The following COX20 variants were observed in gnomAD, a reference collection of about 807,000 sequenced individuals.
COX20 encodes the protein cytochrome c oxidase assembly factor COX20.
COX20 carries 14 observed loss-of-function variants against 14.3 expected under a neutral mutation model. The ratio of observed to expected loss-of-function variants is 0.98; its 90% CI spans 0.65 to 1.53. COX20 has a LOEUF of 1.53. COX20 is among the 40% of genes most tolerant of loss of function. The pLI, the probability that COX20 is intolerant of heterozygous loss-of-function variation, is 0.00. For missense variants in COX20, 149 were observed against 142.1 expected (o/e 1.05, Z -0.25); for synonymous variants, 56 against 51.7 (o/e 1.08, Z -0.36).
intron 1 of COX20, chr1:244,841,005 T>C: frequency 6.6e-6 from 1 of 152,202 alleles, no homozygotes; most frequent in East Asian, 1.9e-4. Flanking sequence ...TTACCGTGAG[T>C]TTTCTAAACT....
chr1:244,840,402 T>G (rs1417773904), intron 1 of COX20: 2 of 152,276 alleles, frequency 1.3e-5, no homozygotes, highest in African/African-American at 4.8e-5. Context: ...TAGTCTAGTT[T>G]AGAGGTAGTC....
At chr1:244,835,533 AGCCCGGCCCC>A (rs1469711245), upstream of COX20, 3 of 403,166 alleles carry the variant, frequency 7.4e-6, no homozygotes, top group East Asian at 1.1e-4. Context: ...AGGACATGAC[AGCCCGGCCCC>A]GTGCGGCCAC....
chr1:244,836,357 C>T, intron 1 of COX20: 3 of 726,622 alleles, frequency 4.1e-6, no homozygotes, highest in Non-Finnish European at 4.8e-6. Flanking sequence ...CCAGTCGTAG[C>T]AGCCCATCCT....
chr1:244,837,092 A>G (rs1171917000), intron 1 of COX20, among the ~76,000 whole-genome samples: 1 of 151,968 alleles, frequency 6.6e-6, no homozygotes, highest in African/African-American at 2.4e-5. Flanking sequence ...AAGGTGGTTT[A>G]ATCCATTGGA....
intron 1 of COX20, among the ~76,000 whole-genome samples, chr1:244,839,463 G>A (rs1356471238): frequency 1.3e-5 from 2 of 151,392 alleles, no homozygotes; most frequent in Admixed American, 6.6e-5. Context: ...AAGGGTTCCC[G>A]TTTGTTAGTG....
intron 1 of COX20, among the ~76,000 whole-genome samples, chr1:244,837,679 C>T (rs1340395819): frequency 5.9e-5 from 9 of 152,270 alleles, no homozygotes; most frequent in African/African-American, 1.7e-4. Flanking sequence ...GGAAAAATCC[C>T]TTTAAGGAGC....
Position 244,843,170 on chromosome 1 carries a change from C to T in COX20, c.351C>T (p.Ser117=), listed in dbSNP as rs1680282736. 1.9e-6 allele frequency: 3 copies of T among 1,585,154 alleles called. No homozygotes were observed. In the East Asian group the frequency reaches 6.9e-5, roughly 36 times the overall value. Residue 117 remains serine (S), a synonymous_variant, in exon 4 of 4, where the codon AGC becomes AGT. Coordinates refer to ENST00000411948, the MANE Select transcript of COX20 (RefSeq NM_198076.6). ...AAAGAAAACACAACGGCAGCAGCAG[C>T]AATTGAACAATCTTGAGCATAGAAG... ...DPERKHNGSS[S]N is the part of the protein sequence containing the mutation.
At chr1:244,840,807 A>G (rs1230588110) in intron 1 of COX20, 1 of 152,136 alleles carries the variant, frequency 6.6e-6, no homozygotes, top group African/African-American at 2.4e-5. Flanking sequence ...ATTTCTTCTA[A>G]TCTCTTTTGC....
In COX20 at chr1:244,843,980, A is replaced by AT. The variant is rs1348996678; in HGVS notation, c.*807dup. The AT allele has an allele frequency of 6.6e-6, 1 of 152,194 alleles. No homozygotes were observed. The highest frequency in any genetic ancestry group is 1.5e-5 in the Non-Finnish European group (1 of 68,030). The allele number at this position is 152,194 out of a possible 1,614,324, so 9.4% of individuals were successfully genotyped here. On this transcript the variant is annotated 3_prime_UTR_variant, in exon 4 of 4. Coordinates refer to ENST00000411948, the MANE Select transcript of COX20 (RefSeq NM_198076.6). ...TATCCCTTTCTAGGAAAATGAAGTT[A>AT]TTTCTGGTTTTAATTCATACAATAC... is the stretch of plus-strand genomic sequence containing the variant.
At position 244,843,427 on chromosome 1, in the gene COX20, A is replaced by G. The variant is rs986787333; in HGVS notation, c.*251A>G. On this transcript the variant is annotated 3_prime_UTR_variant, in exon 4 of 4. Transcript: ENST00000411948. ...AACAGAATTTATTGGCAGTGTGGCA[A>G]AGAATTATAAAACATAGTGTTTAAT... is the stretch of plus-strand genomic sequence containing the variant. 1.4e-5 allele frequency: 6 copies of G among 424,944 alleles called. No individual in the cohort carries two copies. The highest frequency in any genetic ancestry group is 4.4e-5 in the Admixed American group (1 of 22,660). 26.3% of individuals were successfully genotyped at this position (424,944 alleles called of 1,614,324 possible). A position where few individuals can be genotyped will look rare whatever the true frequency, so the allele number is the denominator to read the frequency against.
intron 1 of COX20, chr1:244,836,420 G>C: frequency 7.1e-7 from 1 of 1,404,004 alleles, no homozygotes; most frequent in South Asian, 1.2e-5. Context: ...TAAACCAAGC[G>C]CTCTCCCTGG....
At chr1:244,836,013 TAAC>T (rs1386933290) in intron 1 of COX20, among the ~76,000 whole-genome samples, 2 of 152,216 alleles carry the variant, frequency 1.3e-5, no homozygotes, top group Non-Finnish European at 2.9e-5. Context: ...TGAAATAAGC[TAAC>T]AATACTGAAT....
intron 1 of COX20, among the ~76,000 whole-genome samples, chr1:244,837,685 G>A (rs1680037076): frequency 6.6e-6 from 1 of 152,190 alleles, no homozygotes; most frequent in South Asian, 2.1e-4. Context: ...ATCCCTTTAA[G>A]GAGCTGACAT....
rs1680326483 is a variant in COX20, at chr1:244,844,064, A to G, written c.*888A>G. The G allele has an allele frequency of 6.6e-6, 1 of 152,266 alleles. No individual in the cohort carries two copies. The highest frequency in any genetic ancestry group is 1.5e-5 in the Non-Finnish European group (1 of 68,046). The allele number at this position is 152,266 out of a possible 1,614,324, so 9.4% of individuals were successfully genotyped here. On this transcript the variant is annotated 3_prime_UTR_variant, in exon 4 of 4. Transcript: ENST00000411948. ...AGCTAGATGCTTAAGAAATGCTTAA[A>G]GAAATATTGGGGCGAAGGTAACAGC... is the stretch of plus-strand genomic sequence containing the variant.
At chr1:244,842,351 G>T in intron 3 of COX20, 93 bp downstream of exon 3, 1 of 852,018 alleles carries the variant, frequency 1.2e-6, no homozygotes, top group East Asian at 2.4e-5. Context: ...CTCCCATTGG[G>T]AGATCCTCAC....
intron 1 of COX20, chr1:244,836,432 A>G (rs938563147): frequency 2.3e-5 from 34 of 1,500,118 alleles, no homozygotes; most frequent in Non-Finnish European, 3.0e-5. Flanking sequence ...TCTCCCTGGA[A>G]GGGCTCCTGT....
At chr1:244,838,604 T>C (rs1680073628) in intron 1 of COX20, among the ~76,000 whole-genome samples, 1 of 152,208 alleles carries the variant, frequency 6.6e-6, no homozygotes, top group Non-Finnish European at 1.5e-5. Flanking sequence ...GGATTTAGAC[T>C]GCAGTGGATG....
intron 1 of COX20, 130 bp from the exon 2 acceptor site, chr1:244,841,814 T>A: frequency 1.6e-6 from 1 of 607,524 alleles, no homozygotes. Context: ...TGATTTAGGT[T>A]GTCACGTGGC....
At chr1:244,842,432 A>G (rs1212981797) in intron 3 of COX20, 174 bp downstream of exon 3, 9 of 583,026 alleles carry the variant, frequency 1.5e-5, no homozygotes, top group Non-Finnish European at 2.5e-5. Flanking sequence ...AGATAAATGC[A>G]TATTAGACAT....
Sources: allele counts gnomAD v4.1 joint callset (sites outside exome capture counted in the v4.1 genomes callset), GRCh38; gene constraint gnomAD v4.1.1; transcripts MANE v1.5; gene names NCBI Gene and HGNC (gene_info 2026-07-23, HGNC 2026-07-21).